The following LAMC3 variants were observed in gnomAD, a reference collection of about 807,000 sequenced individuals.
LAMC3 encodes laminin subunit gamma-3.
LAMC3 carries 128 observed loss-of-function variants against 173.8 expected under a neutral mutation model. The ratio of observed to expected loss-of-function variants is 0.74; its 90% confidence interval spans 0.64 to 0.85. The LOEUF (loss-of-function observed/expected upper bound fraction) is 0.85. LAMC3 is among the 40% of genes least tolerant of loss of function. LAMC3 has a pLI of 0.00. For synonymous variants in LAMC3, 897 were observed against 909.1 expected, an observed-to-expected ratio of 0.99 and a Z score of 0.24; for missense variants, 2,022 against 2,156.0, an observed-to-expected ratio of 0.94 and a Z score of 1.23.
intron 13 of LAMC3, among the ~76,000 whole-genome samples, chr9:131,066,749 A>G (rs962779559): frequency 6.6e-6 from 1 of 152,068 alleles, no homozygotes; most frequent in African/African-American, 2.4e-5. Flanking sequence ...TCCCCGCTTT[A>G]GAGATGAGGA....
intron 11 of LAMC3, among the ~76,000 whole-genome samples, 178 bp downstream of exon 11, chr9:131,053,143 G>A (rs1016634435): frequency 1.4e-4 from 21 of 152,252 alleles, no homozygotes; most frequent in African/African-American, 5.1e-4. Flanking sequence ...TATAACCTGT[G>A]AAGGCAATGG....
intron 1 of LAMC3, among the ~76,000 whole-genome samples, chr9:131,012,908 C>T (rs1833449307): frequency 6.6e-6 from 1 of 152,254 alleles, no homozygotes. Context: ...GTTCCGGATC[C>T]TCCCGTCATC....
At chr9:131,079,752 C>A (rs757947215) in intron 23 of LAMC3, among the ~76,000 whole-genome samples, 10 of 152,020 alleles carry the variant, frequency 6.6e-5, no homozygotes, top group Non-Finnish European at 1.5e-4. Flanking sequence ...CTGCAAAACT[C>A]CACATACAGC....
At chr9:131,059,262 G>A (rs1829757973) in intron 12 of LAMC3, among the ~76,000 whole-genome samples, 1 of 151,818 alleles carries the variant, frequency 6.6e-6, no homozygotes, top group African/African-American at 2.4e-5. Flanking sequence ...GGAGGCCGAG[G>A]TGGGCAGATC....
intron 23 of LAMC3, among the ~76,000 whole-genome samples, chr9:131,081,449 C>CCATCCCTCCCTCCCTA (rs1440509296): frequency 7.1e-6 from 1 of 140,752 alleles, no homozygotes; most frequent in Non-Finnish European, 1.5e-5. Context: ...CTCCCTCCCT[C>CCATCCCTCCCTCCCTA]CCTCCCTCCC....
chr9:131,073,958 T>C (rs1043124274), intron 20 of LAMC3, among the ~76,000 whole-genome samples: 24 of 145,640 alleles, frequency 1.6e-4, no homozygotes, highest in African/African-American at 6.1e-4. Flanking sequence ...TTTTTTTTTT[T>C]TTTTTTGAGA....
intron 11 of LAMC3, among the ~76,000 whole-genome samples, chr9:131,055,907 A>T (rs1021194702): frequency 1.3e-5 from 2 of 152,164 alleles, no homozygotes; most frequent in African/African-American, 4.8e-5. Context: ...TATAACACTT[A>T]GAACTTTAGG....
Position 131,066,962 on chromosome 9 carries a change from C to T in LAMC3, c.2350C>T (p.Arg784Trp), listed in dbSNP as rs765925947. Residue 784 changes from arginine to tryptophan, a missense_variant and splice_region_variant, in exon 14 of 28, where the codon CGG (arginine) becomes TGG (tryptophan). Physicochemically the swap from Arg to Trp is moderately radical, Grantham distance 101 (BLOSUM62 -3). Coordinates refer to ENST00000361069, the MANE Select transcript of LAMC3 (RefSeq NM_006059.4). Reference protein sequence around the residue: ...CTHCPPGQRGRRCEVCDDGFF... With the variant: ...CTHCPPGQRGWRCEVCDDGFF... ...ACACGTGCTCCCTCTACACACAGGGCGGCGCTGTGAGGTCTGTGATGATGG... is the reference window on the plus strand; with the variant it reads ...ACACGTGCTCCCTCTACACACAGGGTGGCGCTGTGAGGTCTGTGATGATGG... The T allele has an allele frequency of 2.9e-5, 47 of 1,613,558 alleles. No individual in the cohort carries two copies. The highest frequency in any genetic ancestry group is 1.6e-4 in the Middle Eastern group (1 of 6,082).
intron 3 of LAMC3, 109 bp downstream of exon 3, chr9:131,032,284 C>T (rs1273644739): frequency 7.0e-6 from 6 of 861,782 alleles, no homozygotes; most frequent in Non-Finnish European, 1.1e-5. Context: ...CCAGGTGTGC[C>T]CCAGGGGAGA....
intron 13 of LAMC3, among the ~76,000 whole-genome samples, chr9:131,064,914 G>T (rs906692330): frequency 6.6e-6 from 1 of 151,710 alleles, no homozygotes; most frequent in Admixed American, 6.6e-5. Flanking sequence ...GGTGGTGCAC[G>T]CCTGTAATCC....
intron 20 of LAMC3, among the ~76,000 whole-genome samples, chr9:131,074,039 C>T (rs185536683): frequency 4.4e-4 from 67 of 150,590 alleles, no homozygotes; most frequent in Non-Finnish European, 8.0e-4. Context: ...CTCCGCCTCC[C>T]GGGTTCGTGC....
At chr9:131,024,618 T>C (rs1833686385) in intron 1 of LAMC3, among the ~76,000 whole-genome samples, 1 of 152,136 alleles carries the variant, frequency 6.6e-6, no homozygotes, top group Non-Finnish European at 1.5e-5. Flanking sequence ...GGGCATCTTC[T>C]GTGCTGCTCT....
At chr9:131,053,227 G>A (rs1834334410) in intron 11 of LAMC3, among the ~76,000 whole-genome samples, 1 of 152,212 alleles carries the variant, frequency 6.6e-6, no homozygotes, top group Non-Finnish European at 1.5e-5. Context: ...AGGCAGGTGT[G>A]CGGCCAGCAA....
chr9:131,068,220 G>A lies in LAMC3; in HGVS notation c.2736G>A (p.Arg912=), dbSNP rs143868806. The A allele has an allele frequency of 4.3e-4, 692 of 1,610,074 alleles. No homozygotes were observed. The highest frequency in any genetic ancestry group is 5.6e-4 in the Non-Finnish European group (665 of 1,178,174). Residue 912 remains arginine (R), a synonymous_variant, in exon 15 of 28, where the codon AGG becomes AGA. Transcript: ENST00000361069. The part of the protein sequence containing the change: ...YPGFFDLQPG[R]GCRSCKCHPL... ...GCTTCTTCGACCTCCAGCCTGGGAG[G>A]GGCTGCCGGAGGTAGGTAGGGTGAG...
intron 1 of LAMC3, among the ~76,000 whole-genome samples, chr9:131,022,460 A>G (rs1564364496): frequency 1.3e-5 from 2 of 152,182 alleles, no homozygotes; most frequent in African/African-American, 2.4e-5. Context: ...CAATTCACAT[A>G]CCGTATAATT....
At position 131,026,744 on chromosome 9, in the gene LAMC3, C is replaced by G. The variant is rs918353470; in HGVS notation, c.678+155C>G. On this transcript the variant is annotated intron_variant, in intron 2 of 27. Coordinates refer to ENST00000361069, the MANE Select transcript of LAMC3 (RefSeq NM_006059.4). This position sits in a 1 kb window ranked among gnomAD's most constrained non-coding sequence, Gnocchi z 4.8. ...TTATTTTTGGAGACTGAGTCTTGCT[C>G]TGTCGCCCAGGCTGGAGTGCAGTGA... Among the ~76,000 whole-genome samples, 1 of 152,172 alleles carries G rather than the reference C, an allele frequency of 6.6e-6. No homozygotes were observed. The highest frequency in any genetic ancestry group is 1.5e-5 in the Non-Finnish European group (1 of 68,024).
Position 131,039,167 on chromosome 9 carries a change from G to A in LAMC3, c.1202G>A (p.Cys401Tyr), listed in dbSNP as rs769446080. The A allele has an allele frequency of 1.2e-6, 2 of 1,611,002 alleles. No homozygotes were observed. The highest frequency in any genetic ancestry group is 3.3e-5 in the Admixed American group (2 of 60,012). The change falls in exon 6 of 28, where the codon TGC becomes TAC. Residue 401 changes from cysteine to tyrosine, a missense_variant. Physicochemically the swap from Cys to Tyr is radical, Grantham distance 194. Coordinates refer to ENST00000361069, the MANE Select transcript of LAMC3 (RefSeq NM_006059.4). Reference protein sequence around the residue: ...LHLQCDDTGTCACKPTVTGWK... With the variant: ...LHLQCDDTGTYACKPTVTGWK... The stretch of plus-strand genomic sequence containing the variant: ...CTCCAGTGCGATGACACAGGCACCT[G>A]CGCCTGCAAGCCCACGGTGACTGGC...
At chr9:131,045,247 A>AAAG (rs386416360) in intron 7 of LAMC3, among the ~76,000 whole-genome samples, 2 of 63,884 alleles carry the variant, frequency 3.1e-5, no homozygotes, top group Non-Finnish European at 7.3e-5. Flanking sequence ...CAACAACAAC[A>AAAG]AAAAAACAAA....
intron 1 of LAMC3, among the ~76,000 whole-genome samples, chr9:131,013,212 G>A (rs886770342): frequency 1.3e-5 from 2 of 152,190 alleles, no homozygotes; most frequent in African/African-American, 2.4e-5. Context: ...GGTGGCCCCC[G>A]GGACCCTCCC....
Sources: gnomAD v4.1 joint callset for allele counts (sites outside exome capture counted in the v4.1 genomes callset) on GRCh38, gnomAD v4.1.1 for gene constraint, Gnocchi (gnomAD v3.1) non-coding constraint, MANE v1.5 for transcripts, NCBI Gene and HGNC (gene_info 2026-07-23, HGNC 2026-07-21) for gene names.